SPPL2B: variants seen among roughly 807,000 people sequenced by gnomAD.
SPPL2B encodes signal peptide peptidase like 2B, also known as signal peptide peptidase-like 2B.
A neutral mutation model predicts 59.7 loss-of-function variants in SPPL2B; 39 were observed. That is an observed-to-expected ratio of 0.65 (90% CI 0.51 to 0.85). The LOEUF (loss-of-function observed/expected upper bound fraction) is 0.85, where lower values mean the gene tolerates loss of function less well. SPPL2B is among the 40% of genes least tolerant of loss of function. SPPL2B has a pLI of 0.00. For missense variants in SPPL2B, 865 were observed against 849.0 expected (o/e 1.02, Z -0.23); for synonymous variants, 419 against 370.8 (o/e 1.13, Z -1.49).
At chr19:2,343,815 C>G in intron 9 of SPPL2B, 150 bp from the exon 10 acceptor site, 3 of 625,478 alleles carry the variant, frequency 4.8e-6, no homozygotes, top group Non-Finnish European at 8.6e-6. Context: ...TTCCAAAGCT[C>G]CTCCTGCGTG....
At chr19:2,329,029 A>C (rs1968143213) in intron 1 of SPPL2B, among the ~76,000 whole-genome samples, 1 of 151,950 alleles carries the variant, frequency 6.6e-6, no homozygotes, top group Admixed American at 6.6e-5. Context: ...CCGGGTCTGA[A>C]ATTTGTGCCC....
chr19:2,340,695 C>G (rs1166995413), intron 7 of SPPL2B, among the ~76,000 whole-genome samples: 1 of 152,122 alleles, frequency 6.6e-6, no homozygotes, highest in African/African-American at 2.4e-5. Context: ...CAGCCCGTGG[C>G]CCCCAGCGCC....
intron 13 of SPPL2B, among the ~76,000 whole-genome samples, chr19:2,350,859 G>A (rs1426953544): frequency 6.6e-6 from 1 of 152,262 alleles, no homozygotes; most frequent in East Asian, 1.9e-4. Context: ...GGGTGGCCAT[G>A]TGTGCGTTTG....
rs1316716500 is a variant in SPPL2B at position 2,339,081 on chromosome 19, A to G, written c.472A>G (p.Thr158Ala). 1 of 1,560,702 alleles carries G rather than the reference A, an allele frequency of 6.4e-7. No homozygotes were observed. Among genetic ancestry groups the G allele is most frequent in the Non-Finnish European group, 8.7e-7 (1 of 1,152,614 alleles). Residue 158 changes from threonine (T) to alanine (A), a missense_variant, in exon 5 of 15, where the codon ACG becomes GCG. Thr to Ala is a moderately conservative substitution (Grantham distance 58, BLOSUM62 0). Transcript: ENST00000613503. ...TTCCTTGAGGCAGCGTTTCGGCCGC[A>G]CGGTGAGGGCGGCGCTGTATGCGCC... ...MLDIFTRFGRTVRAALYAPKE... is the reference protein window; with the variant it reads ...MLDIFTRFGRAVRAALYAPKE...
At position 2,343,591 on chromosome 19, in the gene SPPL2B, G is replaced by C. The variant is rs535439746; in HGVS notation, c.1038+299G>C. 2.0e-5 allele frequency among the ~76,000 whole-genome samples: 3 copies of C among 152,262 alleles called. No individual in the cohort carries two copies. In the South Asian group the frequency reaches 6.2e-4, roughly 32 times the overall value. ...AGGAACTGGCCTCAGGTGGTACCGG[G>C]AGTGCGGGGATGTTGTCAAGCCCCA... is the stretch of plus-strand genomic sequence containing the variant. On this transcript the variant is annotated intron_variant, in intron 9 of 14. Transcript: ENST00000613503.
Position 2,340,091 on chromosome 19 carries a change from G to A in SPPL2B, c.758G>A (p.Gly253Glu). The A allele has an allele frequency of 1.3e-6, 2 of 1,594,924 alleles. No homozygotes were observed. The highest frequency in any genetic ancestry group is 1.7e-6 in the Non-Finnish European group (2 of 1,175,688). Residue 253 changes from glycine to glutamate, a missense_variant, in exon 7 of 15, where the codon GGG (glycine) becomes GAG (glutamate). Transcript: ENST00000613503. Reference protein sequence around the residue: ...FYDLLVYVVIGIFCLASATGL... With the variant: ...FYDLLVYVVIEIFCLASATGL... ...GCCCCTGCAGTGTACGTGGTCATCGGGATCTTCTGCCTGGCCTCCGCCACC... is the reference window on the plus strand; with the variant it reads ...GCCCCTGCAGTGTACGTGGTCATCGAGATCTTCTGCCTGGCCTCCGCCACC...
rs766881030 is a variant in SPPL2B at position 2,344,474 on chromosome 19, C to T, written c.1176+50C>T. On this transcript the variant is annotated intron_variant, in intron 11 of 14. Coordinates refer to ENST00000613503, the MANE Select transcript of SPPL2B (RefSeq NM_152988.3). ...CAGGTTGCCATGGGTCAAGGTGTTG[C>T]GCGGAGCGGATAGGGCTCGAGGCAT... The T allele has an allele frequency of 1.9e-5, 29 of 1,564,356 alleles. No homozygotes were observed. In the African/African-American group the frequency reaches 2.2e-4, roughly 12 times the overall value.
intron 4 of SPPL2B, 92 bp from the exon 5 acceptor site, chr19:2,338,977 C>G: frequency 6.7e-7 from 1 of 1,503,376 alleles, no homozygotes; most frequent in Non-Finnish European, 9.0e-7. Flanking sequence ...AGGCCAGGGT[C>G]TCCAGCCCCA....
chr19:2,335,037 A>ACAG (rs2145145570), intron 2 of SPPL2B, among the ~76,000 whole-genome samples: 1 of 152,076 alleles, frequency 6.6e-6, no homozygotes, highest in Non-Finnish European at 1.5e-5. Context: ...CAGAGGAGTA[A>ACAG]CAGCAGAGGG....
At position 2,353,303 on chromosome 19, in the gene SPPL2B, C is replaced by A; in HGVS notation, c.*94C>A. 7.1e-7 allele frequency: 1 copy of A among 1,414,146 alleles called. No homozygotes were observed. Among genetic ancestry groups the A allele is most frequent in the Non-Finnish European group, 9.4e-7 (1 of 1,068,234 alleles). 87.6% of individuals were successfully genotyped at this position (1,414,146 alleles called of 1,614,324 possible). On this transcript the variant is annotated 3_prime_UTR_variant, in exon 15 of 15. Transcript: ENST00000613503. ...AGACAGACAGACAGACGCCTGTCCCCCGGGACCGAGGCCTGTGCCGTCCCC... is the reference window on the plus strand; with the variant it reads ...AGACAGACAGACAGACGCCTGTCCCACGGGACCGAGGCCTGTGCCGTCCCC...
At chr19:2,334,804 A>C (rs977287237) in intron 2 of SPPL2B, 83 bp downstream of exon 2, 8 of 1,440,418 alleles carry the variant, frequency 5.6e-6, no homozygotes, top group African/African-American at 1.5e-5. Context: ...CTGGGGTTGC[A>C]GGAAAGATCC....
At chr19:2,345,613 C>T (rs1969321858) in intron 13 of SPPL2B, among the ~76,000 whole-genome samples, 3 of 150,886 alleles carry the variant, frequency 2.0e-5, no homozygotes, top group Non-Finnish European at 4.4e-5. Context: ...CTGTCCCCAT[C>T]TTCCTCATTC....
chr19:2,336,019 C>T (rs539474673), intron 2 of SPPL2B, among the ~76,000 whole-genome samples: 2 of 152,266 alleles, frequency 1.3e-5, no homozygotes, highest in East Asian at 3.9e-4. Flanking sequence ...TATGTGAACA[C>T]ATGTAATAGG....
chr19:2,345,397 C>G (rs1969308430), intron 13 of SPPL2B, 67 bp downstream of exon 13: 4 of 1,327,002 alleles, frequency 3.0e-6, no homozygotes, highest in Non-Finnish European at 2.2e-6. Context: ...TAGCCTCTGT[C>G]CTGACCCTGA....
rs377597000 is a variant in SPPL2B, at chr19:2,340,144, G to C, written c.811G>C (p.Val271Leu). The C allele has an allele frequency of 1.7e-4, 270 of 1,583,630 alleles. No individual in the cohort carries two copies. The highest frequency in any genetic ancestry group is 2.1e-4 in the Non-Finnish European group (250 of 1,171,646). The change falls in exon 7 of 15, where the codon GTG (valine) becomes CTG (leucine). Residue 271 changes from valine (V) to leucine (L), a missense_variant. Transcript: ENST00000613503. Reference protein sequence around the residue: ...TGLYSCLAPCVRRLPFGKCRI... With the variant: ...TGLYSCLAPCLRRLPFGKCRI... ...CCTCTACAGCTGCCTGGCGCCCTGT[G>C]TGCGGCGGCTGCCCTTCGGCAAGTG... is the stretch of plus-strand genomic sequence containing the variant.
intron 1 of SPPL2B, among the ~76,000 whole-genome samples, chr19:2,334,078 G>A (rs1968428400): frequency 6.6e-6 from 1 of 152,158 alleles, no homozygotes; most frequent in Non-Finnish European, 1.5e-5. Context: ...CTGGGCCCCC[G>A]TGTGCCTTGG....
chr19:2,344,156 T>G, intron 10 of SPPL2B, 117 bp downstream of exon 10: 1 of 306,364 alleles, frequency 3.3e-6, no homozygotes, highest in Non-Finnish European at 6.0e-6. Context: ...CTCGTCCCCC[T>G]CCACCCCACA....
intron 14 of SPPL2B, 174 bp downstream of exon 14, chr19:2,351,768 C>A: frequency 4.8e-6 from 3 of 620,704 alleles, no homozygotes; most frequent in Admixed American, 4.3e-5. Flanking sequence ...GAAGGACGTG[C>A]GTGCAGCTCC....
intron 3 of SPPL2B, chr19:2,338,389 G>GTGTGT: frequency 5.7e-6 from 1 of 175,566 alleles, no homozygotes; most frequent in South Asian, 1.6e-4. Flanking sequence ...TCGTAGTTGA[G>GTGTGT]AGAGGCCCTC....
Sources: allele counts gnomAD v4.1 joint callset (sites outside exome capture counted in the v4.1 genomes callset), GRCh38; gene constraint gnomAD v4.1.1; transcripts MANE v1.5; gene names NCBI Gene and HGNC (gene_info 2026-07-23, HGNC 2026-07-21).